The following PRKG1 variants were observed in gnomAD, a reference collection of about 807,000 sequenced individuals.
The protein encoded by PRKG1 is cGMP-dependent protein kinase 1.
A neutral mutation model predicts 88.1 loss-of-function variants in PRKG1; 35 were observed. The ratio of observed to expected loss-of-function variants is 0.40; its 90% CI spans 0.30 to 0.53. PRKG1 has a LOEUF of 0.53. PRKG1 is among the 20% of genes least tolerant of loss of function. PRKG1 has a pLI of 0.59. For synonymous variants in PRKG1, 303 were observed against 292.5 expected (o/e 1.04, Z -0.37); for missense variants, 540 against 839.8 (o/e 0.64, Z 4.41).
chr10:51,983,356 G>GC (rs1022304754), intron 5 of PRKG1, among the ~76,000 whole-genome samples: 4 of 152,124 alleles, frequency 2.6e-5, no homozygotes, highest in African/African-American at 9.7e-5. Flanking sequence ...GAACCGGTGG[G>GC]CTGGTGTATG....
rs181265760 is a variant in PRKG1 at position 52,056,882 on chromosome 10, C to A, written c.840+2321C>A. On this transcript the variant is annotated intron_variant, in intron 6 of 17. Transcript: ENST00000373980. Reference sequence around the variant, plus strand: ...TTAGAATATATTAAGTCTTAAGAAGCAGAAGGTGAGGTCAGCATACTTAAG... The same window carrying A: ...TTAGAATATATTAAGTCTTAAGAAGAAGAAGGTGAGGTCAGCATACTTAAG... Among the ~76,000 whole-genome samples the A allele has an allele frequency of 9.2e-5, 14 of 151,986 alleles. No homozygotes were observed. In the East Asian group the frequency reaches 2.5e-3, roughly 27 times the overall value.
At chr10:51,635,859 G>T (rs980181705) in intron 3 of PRKG1, among the ~76,000 whole-genome samples, 3 of 152,074 alleles carry the variant, frequency 2.0e-5, no homozygotes, top group African/African-American at 7.2e-5. Flanking sequence ...AATAGTCCAA[G>T]ATCACAATAA....
At chr10:51,187,444 TAG>T (rs1184866122) in intron 2 of PRKG1, among the ~76,000 whole-genome samples, 2 of 152,004 alleles carry the variant, frequency 1.3e-5, no homozygotes, top group Admixed American at 6.6e-5. Context: ...AAAAATAGAC[TAG>T]AGTTATTTAA....
intron 9 of PRKG1, among the ~76,000 whole-genome samples, chr10:52,196,879 A>T (rs1227052816): frequency 1.3e-5 from 2 of 152,210 alleles, no homozygotes; most frequent in Non-Finnish European, 2.9e-5. Context: ...CTATGATTGT[A>T]TACTAATTAT....
Position 51,067,314 on chromosome 10 carries a change from A to T in PRKG1, c.266+75670A>T, listed in dbSNP as rs147639239. 2.3e-3 allele frequency among the ~76,000 whole-genome samples: 355 copies of T among 151,320 alleles called. 2 individuals carry two copies. Among genetic ancestry groups the T allele is most frequent in the Middle Eastern group, 0.014 (4 of 294 alleles). On this transcript the variant is annotated intron_variant, in intron 1 of 17. Coordinates refer to the PRKG1 transcript ENST00000401604. ...TATATGTTATTTGTGTGTGCCCTTGAGAGTGGCATAAAGTAAACTAAAAAA... is the reference window on the plus strand; with the variant it reads ...TATATGTTATTTGTGTGTGCCCTTGTGAGTGGCATAAAGTAAACTAAAAAA...
chr10:51,908,734 A>ATATATTT (rs563212069), intron 5 of PRKG1: 1 of 52,220 alleles, frequency 1.9e-5, no homozygotes. Context: ...TCTATATGTA[A>ATATATTT]TTTTTTTTTT....
At chr10:51,334,351 C>T (rs1483771591) in intron 2 of PRKG1, among the ~76,000 whole-genome samples, 1 of 152,070 alleles carries the variant, frequency 6.6e-6, no homozygotes, top group Admixed American at 6.6e-5. Context: ...TATGTGTTAT[C>T]ACACCATCTG....
In PRKG1 at chr10:52,293,958, G is replaced by A; in HGVS notation, c.*58G>A. On this transcript the variant is annotated 3_prime_UTR_variant, in exon 18 of 18. Transcript: ENST00000373980. The stretch of plus-strand genomic sequence containing the variant: ...AGACAGCTTTTTCTGAGACACAGCT[G>A]CCAGCAAACCTGAGGGAAAGAGAGA... The A allele has an allele frequency of 7.0e-7, 1 of 1,420,010 alleles. No individual in the cohort carries two copies. The allele number at this position is 1,420,010 out of a possible 1,614,324, so 88.0% of individuals were successfully genotyped here.
intron 4 of PRKG1, among the ~76,000 whole-genome samples, chr10:51,867,553 C>T (rs1335647601): frequency 6.6e-6 from 1 of 152,026 alleles, no homozygotes; most frequent in African/African-American, 2.4e-5. Context: ...TTTAAATCAA[C>T]TGGCCATGGT....
chr10:51,521,997 C>A (rs765242028), intron 3 of PRKG1, among the ~76,000 whole-genome samples: 1 of 152,052 alleles, frequency 6.6e-6, no homozygotes, highest in Non-Finnish European at 1.5e-5. Context: ...CAGCTTATAG[C>A]CAACAAATTG....
intron 2 of PRKG1, among the ~76,000 whole-genome samples, chr10:51,443,603 T>C (rs141381620): frequency 6.6e-6 from 1 of 152,034 alleles, no homozygotes; most frequent in African/African-American, 2.4e-5. Context: ...ATAGAAGCTT[T>C]CCCTTCAGCC....
At chr10:51,448,063 C>CCA (rs1187940489) in intron 2 of PRKG1, among the ~76,000 whole-genome samples, 14 of 151,672 alleles carry the variant, frequency 9.2e-5, no homozygotes, top group Admixed American at 2.6e-4. Context: ...GACCCCATCT[C>CCA]CACACACACA....
chr10:51,016,316 T>A (rs1433233703), intron 1 of PRKG1, among the ~76,000 whole-genome samples: 1 of 152,188 alleles, frequency 6.6e-6, no homozygotes, highest in Non-Finnish European at 1.5e-5. Flanking sequence ...AAGCTTACGT[T>A]CTTTGTTCCT....
chr10:51,189,687 T>C (rs1040707745), intron 2 of PRKG1, among the ~76,000 whole-genome samples: 3 of 151,956 alleles, frequency 2.0e-5, no homozygotes, highest in Admixed American at 6.6e-5. Context: ...GAATCAGATA[T>C]CATTTCTGCA....
chr10:51,637,800 A>G (rs1271021094), intron 3 of PRKG1, among the ~76,000 whole-genome samples: 1 of 152,214 alleles, frequency 6.6e-6, no homozygotes, highest in East Asian at 1.9e-4. Flanking sequence ...AGCATCAGGA[A>G]TAATGGCTAA....
chr10:51,671,489 C>A (rs1023780555), intron 3 of PRKG1, among the ~76,000 whole-genome samples: 2 of 152,078 alleles, frequency 1.3e-5, no homozygotes, highest in African/African-American at 4.8e-5. Context: ...CCTTTCTTGG[C>A]TTGTAGATGC....
chr10:51,319,232 G>C lies in PRKG1; in HGVS notation c.479-148491G>C, dbSNP rs138865407. Among the ~76,000 whole-genome samples the C allele has an allele frequency of 8.5e-4, 129 of 152,266 alleles. 1 individual carries two copies. Among genetic ancestry groups the C allele is most frequent in the Middle Eastern group, 3.4e-3 (1 of 294 alleles). ...GTTAACGGACTTGGGCCAAGTCAGTGCTCTCTTTTCTGCTTCCATTTTATC... is the reference window on the plus strand; with the variant it reads ...GTTAACGGACTTGGGCCAAGTCAGTCCTCTCTTTTCTGCTTCCATTTTATC... On this transcript the variant is annotated intron_variant, in intron 2 of 17. Transcript: ENST00000373980.
chr10:52,065,519 T>C (rs1181566762), intron 7 of PRKG1, among the ~76,000 whole-genome samples: 1 of 152,170 alleles, frequency 6.6e-6, no homozygotes, highest in Non-Finnish European at 1.5e-5. Flanking sequence ...ATTTTCTTTC[T>C]ATTTCACAGC....
chr10:51,399,550 G>A, intron 2 of PRKG1, among the ~76,000 whole-genome samples: 1 of 152,202 alleles, frequency 6.6e-6, no homozygotes, highest in East Asian at 1.9e-4. Flanking sequence ...TGAAGATGGT[G>A]CCTTATAAAT....
Sources: allele counts gnomAD v4.1 joint callset (sites outside exome capture counted in the v4.1 genomes callset), GRCh38; gene constraint gnomAD v4.1.1; transcripts MANE v1.5; gene names NCBI Gene and HGNC (gene_info 2026-07-23, HGNC 2026-07-21).